Variants in SPON1 observed in about 807,000 individuals in gnomAD.
SPON1 encodes the protein spondin 1, also known as spondin-1.
A neutral mutation model predicts 111.7 loss-of-function variants in SPON1; 52 were observed. The ratio of observed to expected loss-of-function variants is 0.47; its 90% CI spans 0.37 to 0.59. The LOEUF is 0.59. Among genes scored for constraint, SPON1 ranks in the 20% least tolerant of loss-of-function variants. The pLI is 0.00. For synonymous variants in SPON1, 410 were observed against 395.8 expected (o/e 1.04, Z -0.43); for missense variants, 957 against 1,068.5 (o/e 0.90, Z 1.46).
At chr11:14,153,038 G>A (rs1357008905) in intron 6 of SPON1, among the ~76,000 whole-genome samples, 1 of 152,174 alleles carries the variant, frequency 6.6e-6, no homozygotes, top group African/African-American at 2.4e-5. Flanking sequence ...TAAGACAACT[G>A]CAGAATTTGT....
chr11:14,170,705 A>AGC, intron 6 of SPON1, among the ~76,000 whole-genome samples: 1 of 151,820 alleles, frequency 6.6e-6, no homozygotes, highest in South Asian at 2.1e-4. Flanking sequence ...TTTAGCATGA[A>AGC]GTTGTTGAAT....
intron 6 of SPON1, among the ~76,000 whole-genome samples, chr11:14,186,946 T>G (rs1282828187): frequency 6.6e-6 from 1 of 152,206 alleles, no homozygotes; most frequent in African/African-American, 2.4e-5. Flanking sequence ...ATTAGTCCAC[T>G]TTGCATTGCT....
chr11:14,180,103 A>G (rs1348467298), intron 6 of SPON1, among the ~76,000 whole-genome samples: 3 of 152,092 alleles, frequency 2.0e-5, no homozygotes, highest in East Asian at 1.9e-4. Context: ...GCCCCTCCCC[A>G]TAGGTGACCA....
chr11:14,186,583 C>A (rs908473208), intron 6 of SPON1, among the ~76,000 whole-genome samples: 1 of 152,196 alleles, frequency 6.6e-6, no homozygotes, highest in Non-Finnish European at 1.5e-5. Flanking sequence ...CCACCCACTC[C>A]AACCAGCCTC....
chr11:14,081,832 A>G (rs1319675026), intron 5 of SPON1, among the ~76,000 whole-genome samples: 1 of 152,082 alleles, frequency 6.6e-6, no homozygotes, highest in Non-Finnish European at 1.5e-5. Context: ...GCCCACCCAG[A>G]GGGGACTTCG....
chr11:13,963,186 C>G lies in SPON1; in HGVS notation c.238+44C>G, dbSNP rs571026161. 10 of 1,387,114 alleles carry G rather than the reference C, an allele frequency of 7.2e-6. No individual in the cohort carries two copies. The African/African-American group carries it at 1.4e-4, about 19-fold the overall frequency. 85.9% of individuals were successfully genotyped at this position (1,387,114 alleles called of 1,614,324 possible). A position where few individuals can be genotyped will look rare whatever the true frequency, so the allele number is the denominator to read the frequency against. ...TGGCATTAGGAGAGCGGGACCCGGT[C>G]CCCGGAGGGCGCCGACCTCGCGGTG... is the stretch of plus-strand genomic sequence containing the variant. On this transcript the variant is annotated intron_variant, in intron 1 of 15. Transcript: ENST00000576479.
chr11:14,095,050 G>C (rs1172087939), intron 5 of SPON1, among the ~76,000 whole-genome samples: 1 of 152,162 alleles, frequency 6.6e-6, no homozygotes, highest in Non-Finnish European at 1.5e-5. Context: ...AAATGGAGGT[G>C]CTCTTTCTTT....
chr11:14,088,642 G>T (rs1469852350), intron 5 of SPON1, among the ~76,000 whole-genome samples: 1 of 151,990 alleles, frequency 6.6e-6, no homozygotes, highest in Non-Finnish European at 1.5e-5. Flanking sequence ...TATCATTGTG[G>T]TGTTCTCTGT....
chr11:14,043,588 A>T (rs1431563962), intron 3 of SPON1, among the ~76,000 whole-genome samples: 1 of 152,176 alleles, frequency 6.6e-6, no homozygotes, highest in East Asian at 1.9e-4. Flanking sequence ...CCATCCCACT[A>T]CCCATGACAG....
chr11:14,080,633 C>T lies in SPON1; in HGVS notation c.676+612C>T, dbSNP rs542404564. Among the ~76,000 whole-genome samples the T allele has an allele frequency of 1.5e-4, 23 of 152,318 alleles. No individual in the cohort carries two copies. In the South Asian group the frequency reaches 4.6e-3, roughly 30 times the overall value. On this transcript the variant is annotated intron_variant, in intron 5 of 15. Coordinates refer to ENST00000576479, the MANE Select transcript of SPON1 (RefSeq NM_006108.4). ...TAACCTCAATCCCCCTGCAATGACCCTGTCCATGAATTCCATGACAGACCT... is the reference window on the plus strand; with the variant it reads ...TAACCTCAATCCCCCTGCAATGACCTTGTCCATGAATTCCATGACAGACCT...
rs1554942046 is a variant in SPON1 at position 14,262,825 on chromosome 11, G to A, written c.2110G>A (p.Ala704Thr). Reference sequence around the variant, plus strand: ...CCAAATGGAGCCTCAGTTTGGAGGTGCACCCTGCCCAGAGACTGTGCAGCG... The same window carrying A: ...CCAAATGGAGCCTCAGTTTGGAGGTACACCCTGCCCAGAGACTGTGCAGCG... ...MIQMEPQFGG[A>T]PCPETVQRKK... Residue 704 changes from alanine (A) to threonine (T), a missense_variant, in exon 15 of 16, where the codon GCA (alanine) becomes ACA (threonine). By Grantham distance (58) the Ala-to-Thr change is moderately conservative. Transcript: ENST00000576479. 2.5e-6 allele frequency: 4 copies of A among 1,613,932 alleles called. No homozygotes were observed. Among genetic ancestry groups the A allele is most frequent in the African/African-American group, 1.3e-5 (1 of 75,032 alleles).
rs572531110 is a variant in SPON1 at position 14,224,154 on chromosome 11, G to A, written c.826-19178G>A. 2.4e-4 allele frequency among the ~76,000 whole-genome samples: 36 copies of A among 152,300 alleles called. No individual in the cohort carries two copies. The South Asian group carries it at 7.5e-3, about 32-fold the overall frequency. On this transcript the variant is annotated intron_variant, in intron 6 of 15. Transcript: ENST00000576479. ...AAATCCTGTACTAGACAGTGGGGAAGAGGGATAGAGAGAGGAGATGAAGAG... is the reference window on the plus strand; with the variant it reads ...AAATCCTGTACTAGACAGTGGGGAAAAGGGATAGAGAGAGGAGATGAAGAG...
At chr11:14,078,641 T>A (rs1205484580) in intron 4 of SPON1, among the ~76,000 whole-genome samples, 1 of 152,222 alleles carries the variant, frequency 6.6e-6, no homozygotes. Context: ...CTGCCTGCCC[T>A]GTTCACTAAC....
chr11:14,053,194 G>A (rs1253678076), intron 3 of SPON1, among the ~76,000 whole-genome samples: 2 of 152,118 alleles, frequency 1.3e-5, no homozygotes, highest in Admixed American at 1.3e-4. Context: ...TCAATTCAGT[G>A]GCATCTGGTA....
intron 6 of SPON1, among the ~76,000 whole-genome samples, chr11:14,233,022 T>C (rs1370837935): frequency 6.6e-6 from 1 of 151,922 alleles, no homozygotes; most frequent in East Asian, 1.9e-4. Context: ...CTTAGTCTGC[T>C]TTGCTCTCCC....
chr11:13,982,568 A>G (rs1361662755), intron 1 of SPON1, among the ~76,000 whole-genome samples: 2 of 152,190 alleles, frequency 1.3e-5, no homozygotes, highest in African/African-American at 4.8e-5. Context: ...ATCTTTATCA[A>G]ATTGTGGTTA....
At chr11:13,978,747 A>T (rs1848121561) in intron 1 of SPON1, among the ~76,000 whole-genome samples, 2 of 152,166 alleles carry the variant, frequency 1.3e-5, no homozygotes. Flanking sequence ...AGAATGGAGG[A>T]GCTTGACCAT....
At chr11:14,118,801 C>A (rs1241948187) in intron 5 of SPON1, among the ~76,000 whole-genome samples, 1 of 152,132 alleles carries the variant, frequency 6.6e-6, no homozygotes, top group African/African-American at 2.4e-5. Flanking sequence ...AAGGGCAAGG[C>A]CTTAAGGTTG....
chr11:14,086,240 G>A (rs1441024580), intron 5 of SPON1, among the ~76,000 whole-genome samples: 1 of 152,126 alleles, frequency 6.6e-6, no homozygotes, highest in Non-Finnish European at 1.5e-5. Flanking sequence ...CAAGGGAAAT[G>A]CTTCCAGCTT....
Sources: gnomAD v4.1 joint callset for allele counts (sites outside exome capture counted in the v4.1 genomes callset) on GRCh38, gnomAD v4.1.1 for gene constraint, MANE v1.5 for transcripts, NCBI Gene and HGNC (gene_info 2026-07-23, HGNC 2026-07-21) for gene names.